Variants in POLE observed in about 807,000 individuals in gnomAD.
POLE encodes DNA polymerase epsilon catalytic subunit A.
Under a neutral mutation model 279.2 loss-of-function variants are expected in POLE, and 188 were observed. The ratio of observed to expected loss-of-function variants is 0.67; its 90% CI spans 0.60 to 0.76. POLE has a LOEUF of 0.76. Ranked by LOEUF, POLE falls within the 30% of genes least tolerant of loss-of-function variation. The pLI, the probability that POLE is intolerant of heterozygous loss-of-function variation, is 0.00. For synonymous variants in POLE, 1,214 were observed against 1,172.5 expected (o/e 1.04, Z -0.72); for missense variants, 2,703 against 3,016.7 (o/e 0.90, Z 2.44).
At chr12:132,641,359 C>T in intron 39 of POLE, 1 of 484,956 alleles carries the variant, frequency 2.1e-6, no homozygotes, top group Non-Finnish European at 3.8e-6. Context: ...CTGTGATGTA[C>T]CTTTGGTCAC....
rs144663508 is a variant in POLE at position 132,629,887 on chromosome 12, A to G, written c.6330+2428T>C. On this transcript the variant is annotated intron_variant, in intron 45 of 48. Coordinates refer to ENST00000320574, the MANE Select transcript of POLE (RefSeq NM_006231.4). ...TAAGTTTAGCCATTTCTAGCTCTTT[A>G]TGTAAAGTGAGAGACGTGTGACTCT... Among the ~76,000 whole-genome samples, 4 of 152,268 alleles carry G rather than the reference A, an allele frequency of 2.6e-5. No homozygotes were observed. In the East Asian group the frequency reaches 5.8e-4, roughly 22 times the overall value.
intron 29 of POLE, 151 bp from the exon 30 acceptor site, chr12:132,650,040 C>T (rs1393080954): frequency 4.6e-6 from 3 of 652,012 alleles, no homozygotes; most frequent in East Asian, 2.7e-5. Context: ...AAGACCCTGT[C>T]TCTACAAAAT....
chr12:132,675,305 C>T lies in POLE; in HGVS notation c.1226+93G>A, dbSNP rs535601191. ...ACGGCCTCTCGGAGGCCACCCTCCT[C>T]CCATGAGATGTGGTGACAGCACAGT... On this transcript the variant is annotated intron_variant, in intron 12 of 48. Transcript: ENST00000320574. The surrounding 1 kb of genome is among the most constrained non-coding windows in gnomAD (Gnocchi z 4.3). 13 of 1,502,884 alleles carry T rather than the reference C, an allele frequency of 8.7e-6. No homozygotes were observed. The East Asian group carries it at 2.5e-4, about 29-fold the overall frequency. 93.1% of individuals were successfully genotyped at this position (1,502,884 alleles called of 1,614,324 possible).
rs562953011 is a variant in POLE, at chr12:132,680,254, A to T, written c.286-32T>A. ...AGAGTCACCAACCCATCCAGGGGTGATGAGAAAGAAGAAAGCGAGAGAAAA... is the reference window on the plus strand; with the variant it reads ...AGAGTCACCAACCCATCCAGGGGTGTTGAGAAAGAAGAAAGCGAGAGAAAA... On this transcript the variant is annotated intron_variant, in intron 3 of 48. Transcript: ENST00000320574. The T allele has an allele frequency of 8.3e-5, 132 of 1,595,946 alleles. 1 individual carries two copies. The South Asian group carries it at 1.4e-3, about 17-fold the overall frequency.
chr12:132,626,011 C>A, intron 46 of POLE, 106 bp downstream of exon 46: 1 of 1,205,970 alleles, frequency 8.3e-7, no homozygotes. Flanking sequence ...GTCAGAGGGG[C>A]AGCAGGTGTG....
At position 132,643,996 on chromosome 12, in the gene POLE, T is replaced by C. The variant is rs754155201; in HGVS notation, c.4150-19A>G. ...GATTTACCTGGCGAGAATACGACGA[T>C]GATCTCGTCACTGGGCGTAAGTGGT... On this transcript the variant is annotated intron_variant, in intron 32 of 48. Transcript: ENST00000320574. The C allele has an allele frequency of 3.1e-6, 5 of 1,608,432 alleles. No homozygotes were observed. Among genetic ancestry groups the C allele is most frequent in the African/African-American group, 1.3e-5 (1 of 74,850 alleles).
chr12:132,645,718 C>G (rs1158389420), intron 32 of POLE, among the ~76,000 whole-genome samples: 1 of 152,126 alleles, frequency 6.6e-6, no homozygotes, highest in African/African-American at 2.4e-5. Context: ...CCAGGAAAAT[C>G]TGAATAATTC....
intron 6 of POLE, among the ~76,000 whole-genome samples, chr12:132,678,327 C>T (rs2043102921): frequency 1.3e-5 from 2 of 151,720 alleles, no homozygotes; most frequent in Non-Finnish European, 2.9e-5. Flanking sequence ...AATCCCAGCA[C>T]TCTGGGAGGC....
intron 16 of POLE, among the ~76,000 whole-genome samples, chr12:132,670,982 G>A (rs1365983692): frequency 6.6e-6 from 1 of 152,052 alleles, no homozygotes; most frequent in African/African-American, 2.4e-5. Flanking sequence ...GTTTCTTGAG[G>A]GCAGGCACAG....
intron 43 of POLE, 68 bp from the exon 44 acceptor site, chr12:132,632,863 AC>A (rs2041963223): frequency 6.6e-7 from 1 of 1,504,016 alleles, no homozygotes; most frequent in Non-Finnish European, 8.9e-7. Flanking sequence ...ATCTGAGGGG[AC>A]CCATGGCTGG....
At chr12:132,660,854 C>T in intron 25 of POLE, 115 bp downstream of exon 25, 1 of 761,524 alleles carries the variant, frequency 1.3e-6, no homozygotes, top group Non-Finnish European at 2.1e-6. Context: ...TTCATTAGGA[C>T]TGGCCCTGTG....
Position 132,632,717 on chromosome 12 carries a change from C to G in POLE, c.6083G>C (p.Arg2028Thr), listed in dbSNP as rs749132017. 3.7e-6 allele frequency: 6 copies of G among 1,613,840 alleles called. No homozygotes were observed. Among genetic ancestry groups the G allele is most frequent in the Admixed American group, 1.7e-5 (1 of 60,018 alleles). ...SAPGSTPVRR[R>T]GASQLSQEAE... ...CTCCTGGGAGAGCTGGCTGGCCCCC[C>G]TCCTCCTCACGGGGGTGCTCCCTGG... Residue 2028 changes from arginine (R) to threonine (T), a missense_variant, in exon 44 of 49, where the codon AGG (arginine) becomes ACG (threonine). By Grantham distance (71) the Arg-to-Thr change is moderately conservative. Transcript: ENST00000320574.
At chr12:132,649,569 G>C (rs770341581) in intron 30 of POLE, 54 bp from the exon 31 acceptor site, 2 of 1,597,312 alleles carry the variant, frequency 1.3e-6, no homozygotes, top group South Asian at 2.2e-5. Flanking sequence ...GGGAATGCCC[G>C]CCATGACTTT....
At position 132,675,327 on chromosome 12, in the gene POLE, C is replaced by G; in HGVS notation, c.1226+71G>C. The G allele has an allele frequency of 3.2e-6, 5 of 1,564,714 alleles. No homozygotes were observed. The highest frequency in any genetic ancestry group is 4.3e-6 in the Non-Finnish European group (5 of 1,153,170). The stretch of plus-strand genomic sequence containing the variant: ...CCTCCCATGAGATGTGGTGACAGCA[C>G]AGTCTGCAAGAGGCCTTCAGATCTC... On this transcript the variant is annotated intron_variant, in intron 12 of 48. Coordinates refer to ENST00000320574, the MANE Select transcript of POLE (RefSeq NM_006231.4). This position sits in a 1 kb window ranked among gnomAD's most constrained non-coding sequence, Gnocchi z 4.3.
intron 40 of POLE, chr12:132,638,406 A>T (rs1253238817): frequency 3.9e-6 from 1 of 258,230 alleles, no homozygotes; most frequent in African/African-American, 2.2e-5. Context: ...GAGACAACTC[A>T]TTCGATATTT....
intron 29 of POLE, among the ~76,000 whole-genome samples, chr12:132,656,189 G>A (rs1219936749): frequency 6.6e-6 from 1 of 152,000 alleles, no homozygotes; most frequent in Non-Finnish European, 1.5e-5. Flanking sequence ...TTAAACCCAG[G>A]AGGCAGAAGC....
chr12:132,666,640 C>T (rs5744811), intron 20 of POLE, among the ~76,000 whole-genome samples: 77,734 of 151,980 alleles, frequency 0.51, 20,667 homozygotes, highest in East Asian at 0.7. Context: ...AAATACTGCA[C>T]GGTTCACTTA....
rs869312624 is a variant in POLE, at chr12:132,647,405, G to A, written c.4149+1524C>T. ...AACCCATTTTGCCATGCCCTACCTTGAAAATTAAAAATAATTTAAAGGGAA... is the reference window on the plus strand; with the variant it reads ...AACCCATTTTGCCATGCCCTACCTTAAAAATTAAAAATAATTTAAAGGGAA... On this transcript the variant is annotated intron_variant, in intron 32 of 48. Coordinates refer to ENST00000320574, the MANE Select transcript of POLE (RefSeq NM_006231.4). Among the ~76,000 whole-genome samples the A allele has an allele frequency of 2.7e-5, 4 of 148,486 alleles. No homozygotes were observed. Among genetic ancestry groups the A allele is most frequent in the Non-Finnish European group, 4.5e-5 (3 of 67,298 alleles).
chr12:132,631,303 C>T (rs1374308072), intron 45 of POLE, among the ~76,000 whole-genome samples: 2 of 152,088 alleles, frequency 1.3e-5, no homozygotes, highest in African/African-American at 4.8e-5. Context: ...GAGGGCAGTG[C>T]GGGGAATGTT....
Sources: gnomAD v4.1 joint callset for allele counts (sites outside exome capture counted in the v4.1 genomes callset) on GRCh38, gnomAD v4.1.1 for gene constraint, Gnocchi (gnomAD v3.1) non-coding constraint, MANE v1.5 for transcripts, NCBI Gene and HGNC (gene_info 2026-07-23, HGNC 2026-07-21) for gene names.